Variants in DOCK1 observed in about 807,000 individuals in gnomAD.
The protein encoded by DOCK1 is dedicator of cytokinesis protein 1.
A neutral mutation model predicts 262.7 loss-of-function variants in DOCK1; 138 were observed. The observed-to-expected ratio is 0.53, with a 90% CI of 0.46 to 0.61. DOCK1 has a LOEUF of 0.61. Among genes scored for constraint, DOCK1 ranks in the 20% least tolerant of loss-of-function variants. DOCK1 has a pLI of 0.00. For synonymous variants in DOCK1, 866 were observed against 867.4 expected (o/e 1.00, Z 0.03); for missense variants, 1,908 against 2,370.7 (o/e 0.80, Z 4.05).
chr10:127,404,471 C>T, intron 40 of DOCK1, 42 bp downstream of exon 40: 1 of 1,577,268 alleles, frequency 6.3e-7, no homozygotes, highest in Non-Finnish European at 8.7e-7. Flanking sequence ...GATTGTTCCC[C>T]CAGCAGAAAA....
intron 4 of DOCK1, among the ~76,000 whole-genome samples, chr10:126,982,585 CAGTT>C (rs1565029380): frequency 6.6e-6 from 1 of 152,286 alleles, no homozygotes; most frequent in African/African-American, 2.4e-5. Context: ...TCTTCACACT[CAGTT>C]AAATATGTAA....
intron 19 of DOCK1, among the ~76,000 whole-genome samples, chr10:127,039,025 T>C (rs956879422): frequency 1.3e-5 from 2 of 152,210 alleles, no homozygotes; most frequent in South Asian, 2.1e-4. Context: ...GGAGAGGTGA[T>C]TGCAGAAAGA....
intron 27 of DOCK1, among the ~76,000 whole-genome samples, chr10:127,212,782 A>G (rs1411576224): frequency 1.0e-4 from 8 of 77,110 alleles, no homozygotes; most frequent in Non-Finnish European, 2.0e-4. Flanking sequence ...TTTTGTCAAC[A>G]TTTTTTCATG....
intron 27 of DOCK1, among the ~76,000 whole-genome samples, chr10:127,213,865 A>C (rs2058085677): frequency 6.6e-6 from 1 of 152,026 alleles, no homozygotes; most frequent in Non-Finnish European, 1.5e-5. Context: ...TTTAAGACGG[A>C]GTCTTGCTCT....
intron 31 of DOCK1, among the ~76,000 whole-genome samples, chr10:127,349,390 T>C (rs947077291): frequency 6.6e-6 from 1 of 152,138 alleles, no homozygotes; most frequent in Non-Finnish European, 1.5e-5. Context: ...AGGACTCTCC[T>C]GAGCTTTTCT....
intron 1 of DOCK1, among the ~76,000 whole-genome samples, chr10:126,963,527 CT>C (rs2037385376): frequency 6.6e-6 from 1 of 151,462 alleles, no homozygotes; most frequent in African/African-American, 2.4e-5. Context: ...TTCCTTCCCT[CT>C]CTTCCCTCCC....
At chr10:126,973,932 T>C (rs1183679008) in intron 2 of DOCK1, among the ~76,000 whole-genome samples, 1 of 152,210 alleles carries the variant, frequency 6.6e-6, no homozygotes, top group Non-Finnish European at 1.5e-5. Flanking sequence ...CTCCAGAGGC[T>C]ATAATTTCTA....
chr10:127,164,032 C>T (rs1469127710), intron 27 of DOCK1, among the ~76,000 whole-genome samples: 1 of 151,836 alleles, frequency 6.6e-6, no homozygotes, highest in African/African-American at 2.4e-5. Context: ...GCTGGTGGAT[C>T]GTGGCAAAGC....
At chr10:127,269,555 C>T (rs554346529) in intron 29 of DOCK1, among the ~76,000 whole-genome samples, 74 of 152,322 alleles carry the variant, frequency 4.9e-4, no homozygotes, top group African/African-American at 1.5e-3. Context: ...TTGTGAATTG[C>T]TTTATGTGAC....
chr10:127,389,842 C>T (rs1337553483), intron 38 of DOCK1, among the ~76,000 whole-genome samples: 1 of 152,160 alleles, frequency 6.6e-6, no homozygotes, highest in East Asian at 1.9e-4. Flanking sequence ...GACAAAACCC[C>T]GTTTCTACTG....
At chr10:126,985,810 C>T (rs1041128254) in intron 4 of DOCK1, among the ~76,000 whole-genome samples, 2 of 152,108 alleles carry the variant, frequency 1.3e-5, no homozygotes, top group Non-Finnish European at 2.9e-5. Flanking sequence ...TCATGTTCTT[C>T]AGTAGACACT....
intron 27 of DOCK1, among the ~76,000 whole-genome samples, chr10:127,240,423 A>G (rs997738915): frequency 3.9e-5 from 6 of 152,184 alleles, no homozygotes; most frequent in South Asian, 2.1e-4. Flanking sequence ...AAAAGGAACA[A>G]TTTCACCATG....
At chr10:127,040,420 C>T (rs1209932961) in intron 19 of DOCK1, among the ~76,000 whole-genome samples, 1 of 152,144 alleles carries the variant, frequency 6.6e-6, no homozygotes, top group Non-Finnish European at 1.5e-5. Flanking sequence ...CTTAAAGGGT[C>T]TCTGATCTCA....
chr10:126,994,626 C>T (rs1050966674), intron 6 of DOCK1, among the ~76,000 whole-genome samples: 38 of 152,186 alleles, frequency 2.5e-4, no homozygotes, highest in African/African-American at 8.0e-4. Flanking sequence ...TCAGAGAGCA[C>T]GGGGTTGGGG....
At chr10:127,145,766 G>A (rs184526932) in intron 27 of DOCK1, among the ~76,000 whole-genome samples, 1 of 152,288 alleles carries the variant, frequency 6.6e-6, no homozygotes, top group East Asian at 1.9e-4. Flanking sequence ...GATGTGGTCA[G>A]GAGCTCCCAC....
intron 27 of DOCK1, among the ~76,000 whole-genome samples, chr10:127,194,057 CAT>C (rs1290460520): frequency 6.6e-6 from 1 of 152,198 alleles, no homozygotes; most frequent in Admixed American, 6.5e-5. Flanking sequence ...AGTTTAAAGA[CAT>C]ATGTAGCTTT....
intron 3 of DOCK1, among the ~76,000 whole-genome samples, chr10:126,979,904 T>TG (rs1270956788): frequency 1.3e-5 from 2 of 152,122 alleles, no homozygotes; most frequent in African/African-American, 4.8e-5. Context: ...CAGCGGAAGT[T>TG]GCGCATTTCA....
chr10:127,391,387 A>G (rs1373474453), intron 38 of DOCK1, among the ~76,000 whole-genome samples: 1 of 152,204 alleles, frequency 6.6e-6, no homozygotes, highest in Non-Finnish European at 1.5e-5. Context: ...GGCAGCTGCC[A>G]AGATAAGGTG....
intron 27 of DOCK1, among the ~76,000 whole-genome samples, chr10:127,151,058 T>A (rs528420416): frequency 2.4e-4 from 36 of 152,346 alleles, no homozygotes; most frequent in Non-Finnish European, 5.9e-5. Context: ...CATTGATTGA[T>A]TTTTCAATTA....
Sources: gnomAD v4.1 joint callset for allele counts (sites outside exome capture counted in the v4.1 genomes callset) on GRCh38, gnomAD v4.1.1 for gene constraint, MANE v1.5 for transcripts, NCBI Gene and HGNC (gene_info 2026-07-23, HGNC 2026-07-21) for gene names.